The following ARHGAP12 variants were observed in gnomAD, a reference collection of about 807,000 sequenced individuals.
The protein encoded by ARHGAP12 is rho GTPase-activating protein 12.
In ARHGAP12, 64 loss-of-function variants were observed where a neutral mutation model predicts 108.6. The observed-to-expected ratio is 0.59, with a 90% CI of 0.48 to 0.73. The LOEUF is 0.73. Ranked by LOEUF, ARHGAP12 falls within the 30% of genes least tolerant of loss-of-function variation. The pLI is 0.00. For missense variants in ARHGAP12, 940 were observed against 1,005.9 expected (o/e 0.93, Z 0.89); for synonymous variants, 312 against 337.2 (o/e 0.93, Z 0.82).
intron 9 of ARHGAP12, among the ~76,000 whole-genome samples, chr10:31,838,567 T>G (rs1016808469): frequency 6.6e-6 from 1 of 151,682 alleles, no homozygotes. Flanking sequence ...CAGTGGCTCA[T>G]GCCTGTAATC....
intron 7 of ARHGAP12, among the ~76,000 whole-genome samples, chr10:31,840,822 G>A (rs1252954358): frequency 1.3e-5 from 2 of 151,932 alleles, no homozygotes; most frequent in Admixed American, 6.6e-5. Context: ...GCCCTTGAAG[G>A]GACAAGTTTA....
chr10:31,851,595 T>C (rs561227149), intron 6 of ARHGAP12, among the ~76,000 whole-genome samples: 128 of 152,258 alleles, frequency 8.4e-4, no homozygotes, highest in Non-Finnish European at 1.6e-3. Flanking sequence ...ATGTATTTCA[T>C]TTTCATCCTA....
chr10:31,898,864 C>CAA (rs546260408), intron 3 of ARHGAP12, among the ~76,000 whole-genome samples: 1 of 148,042 alleles, frequency 6.8e-6, no homozygotes, highest in Non-Finnish European at 1.5e-5. Context: ...CAACAACAAA[C>CAA]AAAAAAAAAC....
chr10:31,853,526 C>T (rs1287925165), intron 5 of ARHGAP12, among the ~76,000 whole-genome samples: 3 of 152,152 alleles, frequency 2.0e-5, no homozygotes, highest in Non-Finnish European at 2.9e-5. Flanking sequence ...GGATAAAAGC[C>T]TAGCCCCACT....
At chr10:31,825,951 AT>A (rs1218622231) in intron 11 of ARHGAP12, among the ~76,000 whole-genome samples, 1 of 152,168 alleles carries the variant, frequency 6.6e-6, no homozygotes, top group Admixed American at 6.5e-5. Flanking sequence ...ATTACTGCTT[AT>A]TTTCTGACTA....
intron 16 of ARHGAP12, among the ~76,000 whole-genome samples, chr10:31,810,111 T>C (rs1478738622): frequency 1.3e-5 from 2 of 152,202 alleles, no homozygotes; most frequent in Admixed American, 6.5e-5. Flanking sequence ...GATTACAATA[T>C]ACTAATGTAT....
At chr10:31,879,365 C>T (rs909699898) in intron 3 of ARHGAP12, among the ~76,000 whole-genome samples, 18 of 152,214 alleles carry the variant, frequency 1.2e-4, no homozygotes, top group Admixed American at 1.2e-3. Context: ...GCCTGGGCAA[C>T]AGAGTGAGAC....
intron 15 of ARHGAP12, among the ~76,000 whole-genome samples, chr10:31,812,309 A>T (rs978588342): frequency 6.6e-6 from 1 of 152,114 alleles, no homozygotes; most frequent in Non-Finnish European, 1.5e-5. Context: ...TTTTTCAGTT[A>T]CCTTAAATGA....
intron 4 of ARHGAP12, among the ~76,000 whole-genome samples, chr10:31,855,027 G>A (rs1423232687): frequency 1.7e-5 from 2 of 117,478 alleles, no homozygotes; most frequent in Non-Finnish European, 3.5e-5. Context: ...GGATGGGGAG[G>A]AGGAGGGGAG....
chr10:31,821,036 G>A (rs896679793), intron 11 of ARHGAP12, among the ~76,000 whole-genome samples: 5 of 152,052 alleles, frequency 3.3e-5, no homozygotes, highest in Admixed American at 1.3e-4. Context: ...GATAACAAGC[G>A]CATTTTCTAC....
intron 3 of ARHGAP12, among the ~76,000 whole-genome samples, chr10:31,896,877 A>C (rs1838721651): frequency 6.6e-6 from 1 of 152,224 alleles, no homozygotes; most frequent in Admixed American, 6.5e-5. Context: ...TCACGTGTCA[A>C]ACCACTACCC....
intron 3 of ARHGAP12, among the ~76,000 whole-genome samples, chr10:31,904,695 C>T (rs573304974): frequency 2.6e-5 from 4 of 152,238 alleles, no homozygotes; most frequent in South Asian, 4.2e-4. Flanking sequence ...GGTGCAATCT[C>T]GGGTCACTGC....
At chr10:31,846,021 T>C (rs1836450129) in intron 6 of ARHGAP12, among the ~76,000 whole-genome samples, 1 of 152,214 alleles carries the variant, frequency 6.6e-6, no homozygotes, top group African/African-American at 2.4e-5. Context: ...TTTTAATATA[T>C]CTACAGTTTC....
intron 13 of ARHGAP12, among the ~76,000 whole-genome samples, chr10:31,815,889 C>A (rs1235120136): frequency 1.3e-5 from 2 of 152,132 alleles, no homozygotes; most frequent in African/African-American, 2.4e-5. Context: ...TGGCTCCACA[C>A]CTGTAATCCC....
At position 31,894,463 on chromosome 10, in the gene ARHGAP12, CAGAG is replaced by C. The variant is rs1327311990; in HGVS notation, c.684+13705_684+13708del. ...TTCTTATACACCAATAACAGACAAA[CAGAG>C]AGCCAAATCATGAGTGAACTCCCAT... is the stretch of plus-strand genomic sequence containing the variant. On this transcript the variant is annotated intron_variant, in intron 3 of 19. Transcript: ENST00000344936. 1.1e-4 allele frequency among the ~76,000 whole-genome samples: 17 copies of C among 152,172 alleles called. No homozygotes were observed. In the South Asian group the frequency reaches 3.1e-3, roughly 28 times the overall value.
chr10:31,809,530 C>A, intron 16 of ARHGAP12: 1 of 496,480 alleles, frequency 2.0e-6, no homozygotes. Context: ...TTCTACTCTG[C>A]TCATCATATA....
Position 31,908,517 on chromosome 10 carries a change from A to G in ARHGAP12, c.339T>C (p.Leu113=). 1 of 1,614,208 alleles carries G rather than the reference A, an allele frequency of 6.2e-7. No homozygotes were observed. The highest frequency in any genetic ancestry group is 8.5e-7 in the Non-Finnish European group (1 of 1,180,024). ...STENVNKLPE[L]SSFGKPSSSV... ...ATGACGATGGCTTTCCGAAACTTGA[A>G]AGCTCAGGCAATTTGTTCACATTTT... The change falls in exon 3 of 20, where the codon CTT becomes CTC. Residue 113 remains leucine, a synonymous_variant. Coordinates refer to ENST00000344936, the MANE Select transcript of ARHGAP12 (RefSeq NM_018287.7).
chr10:31,898,237 C>T (rs760101820), intron 3 of ARHGAP12, among the ~76,000 whole-genome samples: 22 of 152,092 alleles, frequency 1.4e-4, no homozygotes, highest in Non-Finnish European at 1.8e-4. Flanking sequence ...GGCAACGCAA[C>T]TTAAAAATGT....
intron 3 of ARHGAP12, among the ~76,000 whole-genome samples, chr10:31,889,480 AAATG>A (rs1267099966): frequency 1.3e-5 from 2 of 152,148 alleles, no homozygotes; most frequent in African/African-American, 2.4e-5. Flanking sequence ...GCACTCAAAT[AAATG>A]AAGGTATTAC....
Sources: allele counts gnomAD v4.1 joint callset (sites outside exome capture counted in the v4.1 genomes callset), GRCh38; gene constraint gnomAD v4.1.1; transcripts MANE v1.5; gene names NCBI Gene and HGNC (gene_info 2026-07-23, HGNC 2026-07-21).